FAM186A: variants seen among roughly 807,000 people sequenced by gnomAD.
The protein encoded by FAM186A is family with sequence similarity 186 member A, also known as protein FAM186A.
FAM186A carries 163 observed loss-of-function variants against 216.8 expected under a neutral mutation model. That is an observed-to-expected ratio of 0.75 (90% CI 0.66 to 0.86). FAM186A has a LOEUF of 0.86. FAM186A is among the 40% of genes least tolerant of loss of function. The probability of loss-of-function intolerance (pLI) is 0.00; values close to 1 mark genes in which losing one functional copy is unlikely to be tolerated. For synonymous variants in FAM186A, 805 were observed against 1,025.3 expected (o/e 0.79, Z 4.10); for missense variants, 2,184 against 2,746.2 (o/e 0.80, Z 4.58).
intron 7 of FAM186A, among the ~76,000 whole-genome samples, chr12:50,329,138 AAAAAT>A (rs1434157407): frequency 3.9e-5 from 6 of 152,154 alleles, no homozygotes; most frequent in African/African-American, 7.2e-5. Flanking sequence ...ATAAATAAAT[AAAAAT>A]AAAATAGTAA....
chr12:50,366,113 A>T (rs1217845974), intron 1 of FAM186A: 18 of 632,190 alleles, frequency 2.8e-5, no homozygotes, highest in Non-Finnish European at 5.1e-5. Flanking sequence ...ACGAGCTTTG[A>T]TTAATACTTG....
rs1942650336 is a variant in FAM186A at position 50,330,858 on chromosome 12, T to C, written c.6849-100A>G. 3 of 1,033,744 alleles carry C rather than the reference T, an allele frequency of 2.9e-6. No homozygotes were observed. The South Asian group carries it at 6.0e-5, about 21-fold the overall frequency. The allele number at this position is 1,033,744 out of a possible 1,614,324, so 64.0% of individuals were successfully genotyped here. ...CCCTCTTCACTGCCACCTTGTCCTA[T>C]AATGCCTTCCCCTTGCACTGACCAG... On this transcript the variant is annotated intron_variant, in intron 6 of 7. Transcript: ENST00000327337.
At chr12:50,375,268 C>T (rs1943185897) in intron 1 of FAM186A, among the ~76,000 whole-genome samples, 1 of 152,004 alleles carries the variant, frequency 6.6e-6, no homozygotes, top group African/African-American at 2.4e-5. Flanking sequence ...TGAAATTTGG[C>T]CGAGTGTGGT....
At chr12:50,390,410 C>T (rs527236827) in intron 1 of FAM186A, among the ~76,000 whole-genome samples, 1 of 152,214 alleles carries the variant, frequency 6.6e-6, no homozygotes, top group African/African-American at 2.4e-5. Flanking sequence ...GACTCTGACT[C>T]GTTTTCATGA....
At chr12:50,371,916 G>A (rs906701768) in intron 1 of FAM186A, among the ~76,000 whole-genome samples, 10 of 151,908 alleles carry the variant, frequency 6.6e-5, no homozygotes, top group Non-Finnish European at 1.5e-4. Context: ...GGGTTCAAGC[G>A]ATTCTCCTGC....
At chr12:50,366,136 A>G (rs1298692356) in intron 1 of FAM186A, 6 of 589,840 alleles carry the variant, frequency 1.0e-5, no homozygotes, top group Non-Finnish European at 1.8e-5. Flanking sequence ...ACAAAAAAAA[A>G]AGAATAAGAT....
At chr12:50,370,802 T>C (rs1943136395) in intron 1 of FAM186A, among the ~76,000 whole-genome samples, 1 of 151,998 alleles carries the variant, frequency 6.6e-6, no homozygotes, top group South Asian at 2.1e-4. Context: ...TATTTATATA[T>C]ATACACAATG....
intron 1 of FAM186A, among the ~76,000 whole-genome samples, chr12:50,394,853 C>G (rs1246873553): frequency 6.7e-6 from 1 of 148,980 alleles, no homozygotes; most frequent in African/African-American, 2.5e-5. Flanking sequence ...GGGACCTTCC[C>G]GAGTAGCTGG....
chr12:50,380,068 T>C (rs778857691), intron 1 of FAM186A, among the ~76,000 whole-genome samples: 2 of 152,236 alleles, frequency 1.3e-5, no homozygotes, highest in Non-Finnish European at 2.9e-5. Flanking sequence ...TTCACATACA[T>C]ACCTTTCATA....
chr12:50,368,688 T>TC (rs1291739127), intron 1 of FAM186A, among the ~76,000 whole-genome samples: 1 of 151,954 alleles, frequency 6.6e-6, no homozygotes, highest in Admixed American at 6.6e-5. Flanking sequence ...TTACATGGAA[T>TC]CTCAAGGGAT....
intron 3 of FAM186A, among the ~76,000 whole-genome samples, chr12:50,356,897 G>A (rs1218468099): frequency 6.6e-6 from 1 of 152,064 alleles, no homozygotes; most frequent in Admixed American, 6.6e-5. Flanking sequence ...TACTCAAGAG[G>A]CTAAGGCAGG....
chr12:50,342,136 GA>G (rs1008380385), intron 4 of FAM186A, among the ~76,000 whole-genome samples: 168 of 146,672 alleles, frequency 1.1e-3, no homozygotes, highest in Non-Finnish European at 9.5e-4. Context: ...GTCAAGGAAG[GA>G]AAAAAAAAAT....
At chr12:50,361,773 G>A (rs1943038421) in intron 2 of FAM186A, among the ~76,000 whole-genome samples, 1 of 151,100 alleles carries the variant, frequency 6.6e-6, no homozygotes. Context: ...GTTTCACCAT[G>A]TTGGCCAGGC....
intron 2 of FAM186A, 34 bp downstream of exon 2, chr12:50,363,111 A>G: frequency 6.8e-7 from 1 of 1,466,784 alleles, no homozygotes; most frequent in East Asian, 2.5e-5. Context: ...CATTAACTTT[A>G]TGGTTTTCCT....
At chr12:50,374,451 T>A (rs764631431) in intron 1 of FAM186A, among the ~76,000 whole-genome samples, 1 of 151,924 alleles carries the variant, frequency 6.6e-6, no homozygotes, top group African/African-American at 2.4e-5. Context: ...AATAGCATCA[T>A]GAAAAAGTGG....
rs569657625 is a variant in FAM186A at position 50,376,957 on chromosome 12, C to G, written c.193-13593G>C. On this transcript the variant is annotated intron_variant, in intron 1 of 7. Coordinates refer to ENST00000327337, the MANE Select transcript of FAM186A (RefSeq NM_001145475.3). ...AGAGATGGGATCTCACTGTGTTGCT[C>G]AAGCTGGTCTGAAACTCCTGGGCTC... 2.0e-5 allele frequency among the ~76,000 whole-genome samples: 3 copies of G among 151,902 alleles called. No individual in the cohort carries two copies. In the South Asian group the frequency reaches 6.2e-4, roughly 32 times the overall value.
intron 1 of FAM186A, among the ~76,000 whole-genome samples, chr12:50,394,732 CTTTTTTTTTTT>C (rs71083561): frequency 3.4e-4 from 10 of 29,408 alleles, no homozygotes; most frequent in East Asian, 1.3e-3. Flanking sequence ...GGCTAACACT[CTTTTTTTTTTT>C]TTTTTTTTTT....
At chr12:50,365,697 A>C in intron 1 of FAM186A, 1 of 739,710 alleles carries the variant, frequency 1.4e-6, no homozygotes, top group Non-Finnish European at 2.5e-6. Flanking sequence ...CAAGAATCAC[A>C]AAAGGCATTT....
intron 1 of FAM186A, among the ~76,000 whole-genome samples, chr12:50,378,534 T>A (rs900051508): frequency 9.9e-5 from 13 of 131,162 alleles, no homozygotes; most frequent in African/African-American, 2.9e-4. Flanking sequence ...CATCTCAAAA[T>A]ATATATATAC....
Sources: allele counts gnomAD v4.1 joint callset (sites outside exome capture counted in the v4.1 genomes callset), GRCh38; gene constraint gnomAD v4.1.1; transcripts MANE v1.5; gene names NCBI Gene and HGNC (gene_info 2026-07-23, HGNC 2026-07-21).